Variants in CDC73 observed in about 807,000 individuals in gnomAD.
CDC73 encodes parafibromin.
A neutral mutation model predicts 83.7 loss-of-function variants in CDC73; 21 were observed. The observed-to-expected ratio is 0.25, with a 90% CI of 0.18 to 0.36. The LOEUF (loss-of-function observed/expected upper bound fraction) is 0.36, where lower values mean the gene tolerates loss of function less well. Among genes scored for constraint, CDC73 ranks in the 10% least tolerant of loss-of-function variants. CDC73 has a pLI of 1.00. For synonymous variants in CDC73, 224 were observed against 212.9 expected, an observed-to-expected ratio of 1.05 and a Z score of -0.45; for missense variants, 342 against 653.3, an observed-to-expected ratio of 0.52 and a Z score of 5.19.
chr1:193,148,316 T>A (rs946990197), intron 8 of CDC73, among the ~76,000 whole-genome samples: 17 of 152,182 alleles, frequency 1.1e-4, no homozygotes, highest in Non-Finnish European at 1.9e-4. Context: ...ACTCCCAGTT[T>A]GGGGTTCTTT....
intron 10 of CDC73, among the ~76,000 whole-genome samples, chr1:193,155,734 G>A (rs191194510): frequency 5.3e-5 from 8 of 152,246 alleles, no homozygotes; most frequent in Non-Finnish European, 4.4e-5. Flanking sequence ...CCAGGATTAT[G>A]CCACTGCACT....
chr1:193,144,814 A>C (rs972341527), intron 7 of CDC73, among the ~76,000 whole-genome samples: 14 of 127,030 alleles, frequency 1.1e-4, no homozygotes, highest in African/African-American at 3.8e-4. Flanking sequence ...TATTTGGCAG[A>C]CTTTTTTTTT....
intron 1 of CDC73, 139 bp downstream of exon 1, chr1:193,122,470 A>G (rs937500600): frequency 1.1e-5 from 13 of 1,145,120 alleles, no homozygotes; most frequent in African/African-American, 3.1e-5. Context: ...GTTTCTCTCT[A>G]GAGCAGAAGT....
At chr1:193,157,726 G>C (rs1220263102) in intron 10 of CDC73, among the ~76,000 whole-genome samples, 1 of 152,110 alleles carries the variant, frequency 6.6e-6, no homozygotes, top group Non-Finnish European at 1.5e-5. Flanking sequence ...TGAAATCCCT[G>C]CTCTAGAGGC....
intron 10 of CDC73, among the ~76,000 whole-genome samples, chr1:193,169,718 G>T (rs1159815598): frequency 6.6e-6 from 1 of 152,134 alleles, no homozygotes; most frequent in Non-Finnish European, 1.5e-5. Context: ...AATGCTGTAA[G>T]ATGTATTTCC....
At chr1:193,135,925 G>A (rs1281201540) in intron 5 of CDC73, among the ~76,000 whole-genome samples, 1 of 146,970 alleles carries the variant, frequency 6.8e-6, no homozygotes, top group African/African-American at 2.5e-5. Flanking sequence ...CTGGAGTCCA[G>A]TGGTATGATC....
chr1:193,133,283 G>T (rs1675728164), intron 3 of CDC73, among the ~76,000 whole-genome samples: 1 of 152,164 alleles, frequency 6.6e-6, no homozygotes, highest in South Asian at 2.1e-4. Context: ...TAATGAAAAG[G>T]TTGAGCAAAT....
chr1:193,147,184 G>A (rs1676015563), intron 7 of CDC73, among the ~76,000 whole-genome samples: 1 of 151,614 alleles, frequency 6.6e-6, no homozygotes, highest in African/African-American at 2.4e-5. Context: ...GGTAGAGACG[G>A]GATTTCACCG....
chr1:193,195,070 C>G (rs368256810), intron 10 of CDC73, among the ~76,000 whole-genome samples: 5 of 152,088 alleles, frequency 3.3e-5, no homozygotes, highest in Admixed American at 3.3e-4. Flanking sequence ...GGTATGGAGT[C>G]TAAGAAGTCT....
intron 6 of CDC73, among the ~76,000 whole-genome samples, chr1:193,139,180 G>C (rs1422357933): frequency 6.6e-6 from 1 of 151,816 alleles, no homozygotes; most frequent in Non-Finnish European, 1.5e-5. Flanking sequence ...GATAGTTTCT[G>C]TTGTGTTTTC....
chr1:193,207,493 CAG>C (rs1677207628), intron 11 of CDC73, among the ~76,000 whole-genome samples: 1 of 152,156 alleles, frequency 6.6e-6, no homozygotes, highest in African/African-American at 2.4e-5. Flanking sequence ...CCACATAAGA[CAG>C]ACACTCCCAG....
At chr1:193,246,865 C>A (rs967505243) in intron 15 of CDC73, among the ~76,000 whole-genome samples, 3 of 152,140 alleles carry the variant, frequency 2.0e-5, no homozygotes, top group Non-Finnish European at 4.4e-5. Flanking sequence ...TATCCCTTCC[C>A]TACATTATTT....
At chr1:193,152,229 C>T in intron 9 of CDC73, 151 bp from the exon 10 acceptor site, 1 of 595,554 alleles carries the variant, frequency 1.7e-6, no homozygotes, top group Non-Finnish European at 3.0e-6. Flanking sequence ...TTTATCTTCA[C>T]AAGTACGTAA....
intron 13 of CDC73, among the ~76,000 whole-genome samples, chr1:193,226,378 G>A (rs1677567543): frequency 6.6e-6 from 1 of 152,078 alleles, no homozygotes; most frequent in African/African-American, 2.4e-5. Context: ...GAAGAGAGTG[G>A]ATATCTTTGT....
chr1:193,235,253 CTCT>C (rs1677736860), intron 14 of CDC73, among the ~76,000 whole-genome samples: 1 of 152,192 alleles, frequency 6.6e-6, no homozygotes, highest in Non-Finnish European at 1.5e-5. Flanking sequence ...TTCTCTTCTT[CTCT>C]TCTTCCTTTT....
At chr1:193,160,805 G>GA (rs1405207311) in intron 10 of CDC73, among the ~76,000 whole-genome samples, 4 of 151,686 alleles carry the variant, frequency 2.6e-5, no homozygotes, top group African/African-American at 9.7e-5. Context: ...TGGTTTATAT[G>GA]AAAAAAACCT....
rs576740437 is a variant in CDC73, at chr1:193,177,868, A to G, written c.972+25424A>G. Among the ~76,000 whole-genome samples the G allele has an allele frequency of 6.6e-5, 10 of 152,310 alleles. No homozygotes were observed. The East Asian group carries it at 1.7e-3, about 26-fold the overall frequency. On this transcript the variant is annotated intron_variant, in intron 10 of 16. Coordinates refer to ENST00000367435, the MANE Select transcript of CDC73 (RefSeq NM_024529.5). Reference sequence around the variant, plus strand: ...AATTATTTGGTTGAATTAGAATTTCACCACTTATATACTTGATCAAAATAA... The same window carrying G: ...AATTATTTGGTTGAATTAGAATTTCGCCACTTATATACTTGATCAAAATAA...
intron 15 of CDC73, among the ~76,000 whole-genome samples, chr1:193,239,036 A>G (rs1227842696): frequency 6.6e-6 from 1 of 152,190 alleles, no homozygotes; most frequent in African/African-American, 2.4e-5. Context: ...AGAAGATCTC[A>G]TAGCTTTCAA....
At chr1:193,217,555 A>G (rs149131274) in intron 13 of CDC73, among the ~76,000 whole-genome samples, 77 of 151,606 alleles carry the variant, frequency 5.1e-4, no homozygotes, top group African/African-American at 1.5e-3. Flanking sequence ...GACCACCAAG[A>G]GCTTGCTTGC....
Sources: allele counts gnomAD v4.1 joint callset (sites outside exome capture counted in the v4.1 genomes callset), GRCh38; gene constraint gnomAD v4.1.1; transcripts MANE v1.5; gene names NCBI Gene and HGNC (gene_info 2026-07-23, HGNC 2026-07-21).